CBR4: variants seen among roughly 807,000 people sequenced by gnomAD.
CBR4 encodes 3-oxoacyl-[acyl-carrier-protein] reductase.
A neutral mutation model predicts 21.0 loss-of-function variants in CBR4; 22 were observed. The observed-to-expected ratio is 1.05, with a 90% CI of 0.75 to 1.50. The LOEUF (loss-of-function observed/expected upper bound fraction) is 1.50. CBR4 is among the 40% of genes most tolerant of loss of function. The pLI, the probability that CBR4 is intolerant of heterozygous loss-of-function variation, is 0.00. For missense variants in CBR4, 302 were observed against 286.3 expected, an observed-to-expected ratio of 1.05 and a Z score of -0.40; for synonymous variants, 100 against 104.4, an observed-to-expected ratio of 0.96 and a Z score of 0.26.
intron 2 of CBR4, among the ~76,000 whole-genome samples, chr4:168,909,874 C>A (rs1758553222): frequency 6.6e-6 from 1 of 151,986 alleles, no homozygotes; most frequent in Non-Finnish European, 1.5e-5. Context: ...GGGTTTTTTC[C>A]CCCAAACAAA....
At chr4:168,919,826 C>T (rs1761065395) in intron 2 of CBR4, among the ~76,000 whole-genome samples, 2 of 152,174 alleles carry the variant, frequency 1.3e-5, no homozygotes, top group South Asian at 4.1e-4. Flanking sequence ...TTGTGACCTG[C>T]TGGTGGTGAC....
chr4:169,010,187 A>G lies in CBR4; in HGVS notation c.-98T>C. 7.9e-6 allele frequency: 9 copies of G among 1,143,784 alleles called. No individual in the cohort carries two copies. The highest frequency in any genetic ancestry group is 5.7e-5 in the East Asian group (2 of 35,292). The allele number at this position is 1,143,784 out of a possible 1,614,324, so 70.9% of individuals were successfully genotyped here. On this transcript the variant is annotated 5_prime_UTR_variant, in exon 1 of 5. Coordinates refer to ENST00000306193, the MANE Select transcript of CBR4 (RefSeq NM_032783.5). ...ACAACCGCGGTTCCAAAAAAAAAAAAAAGAAAAAAAAAGGCAAACCGCAAA... is the reference window on the plus strand; with the variant it reads ...ACAACCGCGGTTCCAAAAAAAAAAAGAAGAAAAAAAAAGGCAAACCGCAAA...
intron 2 of CBR4, among the ~76,000 whole-genome samples, chr4:168,917,334 C>G (rs371221809): frequency 3.3e-5 from 5 of 152,284 alleles, no homozygotes; most frequent in African/African-American, 7.2e-5. Context: ...AGGCATGAGC[C>G]ACCACACCCG....
At chr4:168,933,718 T>C (rs909406097) in intron 2 of CBR4, among the ~76,000 whole-genome samples, 5 of 152,192 alleles carry the variant, frequency 3.3e-5, no homozygotes, top group African/African-American at 1.2e-4. Context: ...ACACATTCTT[T>C]TTATCAGCAC....
chr4:169,007,949 A>T (rs1435646133), intron 1 of CBR4, among the ~76,000 whole-genome samples, 193 bp from the exon 2 acceptor site: 32 of 152,334 alleles, frequency 2.1e-4, no homozygotes, highest in Non-Finnish European at 8.8e-5. Flanking sequence ...CAAAGAGGAA[A>T]TAAAGTACTA....
At chr4:168,975,432 A>G (rs1764339329) in intron 2 of CBR4, among the ~76,000 whole-genome samples, 1 of 152,198 alleles carries the variant, frequency 6.6e-6, no homozygotes, top group African/African-American at 2.4e-5. Context: ...CTAGTTAGCT[A>G]GGGTGTGCAG....
At chr4:168,969,462 C>G (rs574492830) in intron 2 of CBR4, among the ~76,000 whole-genome samples, 65 of 152,218 alleles carry the variant, frequency 4.3e-4, no homozygotes, top group African/African-American at 1.5e-3. Flanking sequence ...ATAGATTATC[C>G]TGGATAATCT....
chr4:168,903,024 G>T (rs1391487348), intron 2 of CBR4, among the ~76,000 whole-genome samples: 2 of 152,114 alleles, frequency 1.3e-5, no homozygotes, highest in Non-Finnish European at 2.9e-5. Context: ...CTCCCAAAGT[G>T]CTGGGATTAT....
chr4:168,924,290 A>G, intron 2 of CBR4: 1 of 1,613,940 alleles, frequency 6.2e-7, no homozygotes, highest in Non-Finnish European at 8.5e-7. Flanking sequence ...GTTTATTGAG[A>G]AGCTCCAAAA....
At chr4:168,999,455 T>C (rs1286453813) in intron 4 of CBR4, among the ~76,000 whole-genome samples, 4 of 152,080 alleles carry the variant, frequency 2.6e-5, no homozygotes, top group East Asian at 3.8e-4. Flanking sequence ...TGCATATTCA[T>C]ACCATCAAAT....
At chr4:168,896,366 A>T (rs1444227315) in intron 2 of CBR4, among the ~76,000 whole-genome samples, 1 of 152,194 alleles carries the variant, frequency 6.6e-6, no homozygotes, top group Admixed American at 6.5e-5. Flanking sequence ...TGAATATCTC[A>T]TGTGATTTAT....
intron 2 of CBR4, among the ~76,000 whole-genome samples, chr4:168,958,135 G>A (rs953907783): frequency 6.6e-6 from 1 of 152,202 alleles, no homozygotes; most frequent in Non-Finnish European, 1.5e-5. Context: ...GTGGTGGTGA[G>A]CACCTGTAAT....
chr4:168,952,106 A>G (rs964516562), intron 2 of CBR4, among the ~76,000 whole-genome samples: 1 of 152,096 alleles, frequency 6.6e-6, no homozygotes, highest in African/African-American at 2.4e-5. Flanking sequence ...GGCTTTATGC[A>G]TATTTTCTTA....
intron 2 of CBR4, among the ~76,000 whole-genome samples, chr4:168,971,854 G>A (rs1233727269): frequency 6.6e-6 from 1 of 152,138 alleles, no homozygotes; most frequent in African/African-American, 2.4e-5. Flanking sequence ...CCTTGGCCAT[G>A]AACTCTTTAG....
rs985025734 is a variant in CBR4, at chr4:168,988,342, T to C, written c.*1808A>G. 1.3e-4 allele frequency: 128 copies of C among 985,422 alleles called. No individual in the cohort carries two copies. The highest frequency in any genetic ancestry group is 1.5e-4 in the Non-Finnish European group (122 of 829,912). 61.0% of individuals were successfully genotyped at this position (985,422 alleles called of 1,614,324 possible). ...AGTATAAAAACATACACTTAAAGGCTAAACCTATCTATAACCTACATCTTA... is the reference window on the plus strand; with the variant it reads ...AGTATAAAAACATACACTTAAAGGCCAAACCTATCTATAACCTACATCTTA... On this transcript the variant is annotated 3_prime_UTR_variant, in exon 5 of 5. Transcript: ENST00000306193.
chr4:168,955,148 T>C (rs1033599994), intron 2 of CBR4, among the ~76,000 whole-genome samples: 2 of 152,238 alleles, frequency 1.3e-5, no homozygotes, highest in African/African-American at 2.4e-5. Context: ...TATAACTATA[T>C]TGGAGGATGG....
At chr4:168,926,421 G>A in intron 2 of CBR4, 1 of 1,460,990 alleles carries the variant, frequency 6.8e-7, no homozygotes, top group South Asian at 1.2e-5. Context: ...CACTGAAACA[G>A]CCATTGCCTT....
chr4:168,931,005 C>T (rs1762956682), intron 2 of CBR4, among the ~76,000 whole-genome samples: 1 of 152,170 alleles, frequency 6.6e-6, no homozygotes, highest in African/African-American at 2.4e-5. Context: ...GCGGCTCTGT[C>T]ATTCCACCAA....
At chr4:168,898,409 T>A (rs1311627796) in intron 2 of CBR4, 1 of 842,300 alleles carries the variant, frequency 1.2e-6, no homozygotes, top group Non-Finnish European at 2.0e-6. Flanking sequence ...CACTGTCTTC[T>A]AGGGCCTTAT....
Sources: allele counts gnomAD v4.1 joint callset (sites outside exome capture counted in the v4.1 genomes callset), GRCh38; gene constraint gnomAD v4.1.1; transcripts MANE v1.5; gene names NCBI Gene and HGNC (gene_info 2026-07-23, HGNC 2026-07-21).